The following DSCAM variants were observed in gnomAD, a reference collection of about 807,000 sequenced individuals.
The protein encoded by DSCAM is cell adhesion molecule DSCAM.
In DSCAM, 47 loss-of-function variants were observed where a neutral mutation model predicts 217.7. That is an observed-to-expected ratio of 0.22 (90% CI 0.17 to 0.28). The LOEUF (loss-of-function observed/expected upper bound fraction) is 0.28, where lower values mean the gene tolerates loss of function less well. DSCAM is among the 10% of genes least tolerant of loss of function. The pLI, the probability that DSCAM is intolerant of heterozygous loss-of-function variation, is 1.00. For missense variants in DSCAM, 2,080 were observed against 2,618.3 expected, an observed-to-expected ratio of 0.79 and a Z score of 4.49; for synonymous variants, 1,056 against 1,015.3, an observed-to-expected ratio of 1.04 and a Z score of -0.76.
At chr21:40,508,765 ATATATATATATATATATATTTT>A (rs1568863061) in intron 3 of DSCAM, among the ~76,000 whole-genome samples, 5 of 3,506 alleles carry the variant, frequency 1.4e-3, no homozygotes, top group African/African-American at 6.0e-3. Context: ...ATATATATAT[ATATATATATATATATATATTTT>A]TTTTTTTTTT....
chr21:40,844,601 T>C (rs2092129474), intron 1 of DSCAM, among the ~76,000 whole-genome samples: 1 of 152,246 alleles, frequency 6.6e-6, no homozygotes, highest in Non-Finnish European at 1.5e-5. Context: ...AGTACCTACA[T>C]AATTTTTGCA....
chr21:40,077,499 A>C (rs1035916067), intron 26 of DSCAM, among the ~76,000 whole-genome samples: 6 of 152,236 alleles, frequency 3.9e-5, no homozygotes, highest in Admixed American at 3.3e-4. Flanking sequence ...CACTCTTCTT[A>C]GGATGGCATA....
chr21:40,269,924 C>A (rs532344195), intron 11 of DSCAM, among the ~76,000 whole-genome samples: 34 of 152,272 alleles, frequency 2.2e-4, no homozygotes, highest in African/African-American at 7.7e-4. Context: ...ATTCAACATA[C>A]AAATCTAGGG....
intron 9 of DSCAM, among the ~76,000 whole-genome samples, chr21:40,296,901 T>C (rs2073961139): frequency 6.7e-6 from 1 of 148,802 alleles, no homozygotes; most frequent in Admixed American, 6.7e-5. Flanking sequence ...TTATCAAATA[T>C]AAGTATTCAT....
intron 16 of DSCAM, among the ~76,000 whole-genome samples, chr21:40,161,787 G>T (rs546020946): frequency 6.6e-6 from 1 of 152,288 alleles, no homozygotes; most frequent in Non-Finnish European, 1.5e-5. Context: ...CAATGGATTA[G>T]TTCCTAAAAG....
chr21:40,248,552 C>T (rs1470475687), intron 11 of DSCAM, among the ~76,000 whole-genome samples: 1 of 152,224 alleles, frequency 6.6e-6, no homozygotes, highest in Non-Finnish European at 1.5e-5. Flanking sequence ...TTCCTCATTT[C>T]CATCTGAGAC....
At position 40,170,708 on chromosome 21, in the gene DSCAM, G is replaced by A. The variant is rs542983310; in HGVS notation, c.2948-3420C>T. ...ATTCTGTGCTCATTGAAAAGCACAC[G>A]GTTTTCCATAAAAATCCTTGAAAAA... On this transcript the variant is annotated intron_variant, in intron 15 of 32. Coordinates refer to ENST00000400454, the MANE Select transcript of DSCAM (RefSeq NM_001389.5). Among the ~76,000 whole-genome samples, 54 of 152,258 alleles carry A rather than the reference G, an allele frequency of 3.5e-4. 2 individuals carry two copies. The highest frequency in any genetic ancestry group is 2.5e-3 in the South Asian group (12 of 4,826).
chr21:40,625,320 T>A (rs8134641), intron 3 of DSCAM, among the ~76,000 whole-genome samples: 1 of 152,116 alleles, frequency 6.6e-6, no homozygotes, highest in African/African-American at 2.4e-5. Context: ...TATACAAAGA[T>A]GCATTATAAT....
intron 3 of DSCAM, among the ~76,000 whole-genome samples, chr21:40,461,093 TA>T (rs1177933633): frequency 3.9e-5 from 6 of 152,122 alleles, no homozygotes; most frequent in Non-Finnish European, 7.4e-5. Context: ...AGTATATTCA[TA>T]AAATAGGAAC....
chr21:40,421,780 T>C (rs1283805582), intron 3 of DSCAM, among the ~76,000 whole-genome samples: 1 of 152,244 alleles, frequency 6.6e-6, no homozygotes, highest in Non-Finnish European at 1.5e-5. Context: ...TTAAGACAAA[T>C]ATCTCCATGA....
intron 1 of DSCAM, among the ~76,000 whole-genome samples, chr21:40,801,837 T>A (rs2091744455): frequency 6.6e-6 from 1 of 152,144 alleles, no homozygotes; most frequent in African/African-American, 2.4e-5. Context: ...CCACCCAGAT[T>A]TCTAAGGATG....
chr21:40,481,639 A>G (rs1033260246), intron 3 of DSCAM, among the ~76,000 whole-genome samples: 11 of 152,268 alleles, frequency 7.2e-5, no homozygotes, highest in African/African-American at 2.6e-4. Flanking sequence ...GGAAATGACC[A>G]AAAATAATCC....
intron 3 of DSCAM, among the ~76,000 whole-genome samples, chr21:40,612,993 T>C (rs1000507983): frequency 1.3e-5 from 2 of 152,172 alleles, no homozygotes; most frequent in African/African-American, 4.8e-5. Context: ...TGTTTTCAAG[T>C]TGGCTCAAGA....
chr21:40,584,562 A>T (rs916603954), intron 3 of DSCAM, among the ~76,000 whole-genome samples: 3 of 152,196 alleles, frequency 2.0e-5, no homozygotes, highest in Non-Finnish European at 4.4e-5. Flanking sequence ...AAGTGCTTTT[A>T]CATTCATCAA....
chr21:40,248,486 G>T (rs2073257853), intron 11 of DSCAM, among the ~76,000 whole-genome samples: 1 of 152,158 alleles, frequency 6.6e-6, no homozygotes, highest in Non-Finnish European at 1.5e-5. Flanking sequence ...GCAAAATGCT[G>T]CCAGTCTCTT....
chr21:40,380,398 T>C (rs2075008170), intron 3 of DSCAM, among the ~76,000 whole-genome samples: 1 of 152,250 alleles, frequency 6.6e-6, no homozygotes, highest in Non-Finnish European at 1.5e-5. Context: ...AAATTGTATT[T>C]ATTTATTTAT....
At chr21:40,646,011 A>C (rs1156489759) in intron 3 of DSCAM, among the ~76,000 whole-genome samples, 1 of 152,184 alleles carries the variant, frequency 6.6e-6, no homozygotes, top group African/African-American at 2.4e-5. Flanking sequence ...CCGTTCTTGG[A>C]GGCGGTGGAG....
chr21:40,428,781 G>C (rs2075501334), intron 3 of DSCAM, among the ~76,000 whole-genome samples: 1 of 151,986 alleles, frequency 6.6e-6, no homozygotes, highest in African/African-American at 2.4e-5. Context: ...TTGTGTCCCA[G>C]CTGACCACTG....
At chr21:40,533,661 C>T (rs2076471690) in intron 3 of DSCAM, among the ~76,000 whole-genome samples, 3 of 151,468 alleles carry the variant, frequency 2.0e-5, no homozygotes, top group Admixed American at 1.3e-4. Context: ...ATCCATCCAT[C>T]CATTCATCCA....
Sources: gnomAD v4.1 joint callset for allele counts (sites outside exome capture counted in the v4.1 genomes callset) on GRCh38, gnomAD v4.1.1 for gene constraint, MANE v1.5 for transcripts, NCBI Gene and HGNC (gene_info 2026-07-23, HGNC 2026-07-21) for gene names.